CCDC190: variants seen among roughly 807,000 people sequenced by gnomAD.
CCDC190 encodes coiled-coil domain containing 190.
A neutral mutation model predicts 13.1 loss-of-function variants in CCDC190; 10 were observed. The ratio of observed to expected loss-of-function variants is 0.77; its 90% CI spans 0.47 to 1.30. CCDC190 has a LOEUF of 1.30. Among genes scored for constraint, CCDC190 ranks in the 50% most tolerant of loss-of-function variants. The probability of loss-of-function intolerance (pLI) is 0.00; values close to 1 mark genes in which losing one functional copy is unlikely to be tolerated. For missense variants in CCDC190, 375 were observed against 354.3 expected, an observed-to-expected ratio of 1.06 and a Z score of -0.47; for synonymous variants, 136 against 127.2, an observed-to-expected ratio of 1.07 and a Z score of -0.47.
rs571813712 is a variant in CCDC190 at position 162,860,620 on chromosome 1, C to T, written c.-13+388G>A. Among the ~76,000 whole-genome samples the T allele has an allele frequency of 5.3e-5, 8 of 151,474 alleles. No homozygotes were observed. The South Asian group carries it at 8.3e-4, about 16-fold the overall frequency. On this transcript the variant is annotated intron_variant, in intron 1 of 3. Transcript: ENST00000367912. Reference sequence around the variant, plus strand: ...TTGCCCAGGCTGGAGTGCAGTGGCGCGATCTCAGCTCACTGCAACCTCTAC... The same window carrying T: ...TTGCCCAGGCTGGAGTGCAGTGGCGTGATCTCAGCTCACTGCAACCTCTAC...
upstream of CCDC190, among the ~76,000 whole-genome samples, chr1:162,861,745 G>A (rs12141395): frequency 0.19 from 29,057 of 152,120 alleles, 3,279 homozygotes; most frequent in South Asian, 0.39. Context: ...GTAGAAGGTT[G>A]AGCAGAGCTA....
chr1:162,854,423 G>A lies in CCDC190; in HGVS notation c.*342C>T. ...AATAGCTATGCCGTTTTGCCAGCAG[G>A]TGGCACCATGAGAATCTCCTAGAGG... On this transcript the variant is annotated 3_prime_UTR_variant, in exon 4 of 4. Coordinates refer to ENST00000367912, the MANE Select transcript of CCDC190 (RefSeq NM_001394065.1). 9.5e-7 allele frequency: 1 copy of A among 1,053,794 alleles called. No homozygotes were observed. Among genetic ancestry groups the A allele is most frequent in the Non-Finnish European group, 1.1e-6 (1 of 872,446 alleles). The allele number at this position is 1,053,794 out of a possible 1,614,324, so 65.3% of individuals were successfully genotyped here. A position where few individuals can be genotyped will look rare whatever the true frequency, so the allele number is the denominator to read the frequency against.
At chr1:162,861,858 A>G (rs1650532538), upstream of CCDC190, among the ~76,000 whole-genome samples, 1 of 152,162 alleles carries the variant, frequency 6.6e-6, no homozygotes. Context: ...AGAGCTGCCA[A>G]CACTGGGGCC....
At chr1:162,857,832 CT>C (rs1349090792) in intron 2 of CCDC190, among the ~76,000 whole-genome samples, 1 of 152,038 alleles carries the variant, frequency 6.6e-6, no homozygotes, top group Admixed American at 6.5e-5. Context: ...AGAGACCATG[CT>C]TTTTCATATT....
At chr1:162,860,946 C>T in intron 1 of CCDC190, 62 bp downstream of exon 1, 1 of 723,320 alleles carries the variant, frequency 1.4e-6, no homozygotes, top group Non-Finnish European at 1.7e-6. Context: ...TTTTAAGGCA[C>T]TTGTTTTAGA....
At chr1:162,865,956 T>C (rs1428361276), upstream of CCDC190, among the ~76,000 whole-genome samples, 2 of 152,194 alleles carry the variant, frequency 1.3e-5, no homozygotes, top group Non-Finnish European at 2.9e-5. Context: ...TATTCACAGA[T>C]GACATAATTT....
intron 1 of CCDC190, 88 bp from the exon 2 acceptor site, chr1:162,859,746 C>T (rs541650171): frequency 1.8e-6 from 2 of 1,100,140 alleles, no homozygotes; most frequent in African/African-American, 1.6e-5. Flanking sequence ...AGTGGTAGAA[C>T]CTGTGTATTT....
At chr1:162,860,337 C>T (rs550416362) in intron 1 of CCDC190, among the ~76,000 whole-genome samples, 51 of 152,088 alleles carry the variant, frequency 3.4e-4, no homozygotes, top group Non-Finnish European at 5.7e-4. Flanking sequence ...TTAGACTGGG[C>T]GAAAGCTCCT....
chr1:162,859,215 A>G (rs1193825695), intron 2 of CCDC190, among the ~76,000 whole-genome samples: 1 of 152,242 alleles, frequency 6.6e-6, no homozygotes, highest in Non-Finnish European at 1.5e-5. Context: ...GCTAACTTGA[A>G]AGATGGCAGT....
chr1:162,858,892 T>TCACTGA (rs1448031003), intron 2 of CCDC190, among the ~76,000 whole-genome samples: 1 of 152,268 alleles, frequency 6.6e-6, no homozygotes, highest in Non-Finnish European at 1.5e-5. Context: ...GTTTTGGTAC[T>TCACTGA]ATTCCAAGTG....
chr1:162,852,348 C>T lies in CCDC190; in HGVS notation c.*2417G>A, dbSNP rs1471836305. Reference sequence around the variant, plus strand: ...AAAGTGGCCATGGACTGGTCGAGAGCAAGCCATCCTAGAGCACCGTGTGCC... The same window carrying T: ...AAAGTGGCCATGGACTGGTCGAGAGTAAGCCATCCTAGAGCACCGTGTGCC... On this transcript the variant is annotated 3_prime_UTR_variant, in exon 4 of 4. Transcript: ENST00000367912. 1 of 152,234 alleles carries T rather than the reference C, an allele frequency of 6.6e-6. No homozygotes were observed. The highest frequency in any genetic ancestry group is 2.4e-5 in the African/African-American group (1 of 41,436). The allele number at this position is 152,234 out of a possible 1,614,324, so 9.4% of individuals were successfully genotyped here.
At chr1:162,864,773 A>G (rs1650642260), upstream of CCDC190, among the ~76,000 whole-genome samples, 1 of 152,140 alleles carries the variant, frequency 6.6e-6, no homozygotes, top group Non-Finnish European at 1.5e-5. Flanking sequence ...CAAGTAAGAT[A>G]AAATTGAATT....
At chr1:162,865,677 C>T (rs1650679008), upstream of CCDC190, among the ~76,000 whole-genome samples, 1 of 152,008 alleles carries the variant, frequency 6.6e-6, no homozygotes, top group African/African-American at 2.4e-5. Context: ...AGGCAAGAAC[C>T]ATAAAATCAT....
At chr1:162,861,492 T>C (rs1233611499), upstream of CCDC190, among the ~76,000 whole-genome samples, 1 of 152,054 alleles carries the variant, frequency 6.6e-6, no homozygotes, top group East Asian at 1.9e-4. Context: ...CATTCCTACT[T>C]CTTGAAAACC....
intron 1 of CCDC190, among the ~76,000 whole-genome samples, chr1:162,867,686 T>G (rs1397914297): frequency 6.6e-6 from 1 of 152,172 alleles, no homozygotes; most frequent in Non-Finnish European, 1.5e-5. Context: ...ACAACCCAAA[T>G]GACCATCAAC....
intron 1 of CCDC190, among the ~76,000 whole-genome samples, chr1:162,860,731 A>C (rs1650481349): frequency 6.6e-6 from 1 of 151,852 alleles, no homozygotes; most frequent in African/African-American, 2.4e-5. Flanking sequence ...CTAACTTTTT[A>C]TATTTTTAGT....
chr1:162,866,605 G>A (rs954031968), intron 1 of CCDC190, among the ~76,000 whole-genome samples: 3 of 151,938 alleles, frequency 2.0e-5, no homozygotes, highest in Non-Finnish European at 2.9e-5. Flanking sequence ...TAAAATTCAA[G>A]TGGTAATACA....
Position 162,853,911 on chromosome 1 carries a change from G to A in CCDC190, c.*854C>T, listed in dbSNP as rs977901124. On this transcript the variant is annotated 3_prime_UTR_variant, in exon 4 of 4. Coordinates refer to ENST00000367912, the MANE Select transcript of CCDC190 (RefSeq NM_001394065.1). ...TAACAAAAAGCTATTATTTTCTAAT[G>A]ACTTATGATACTACTTATTTTTAGA... Among the ~76,000 whole-genome samples, 3 of 152,192 alleles carry A rather than the reference G, an allele frequency of 2.0e-5. No homozygotes were observed. The highest frequency in any genetic ancestry group is 4.4e-5 in the Non-Finnish European group (3 of 68,034).
At chr1:162,862,112 T>C (rs1288118964), upstream of CCDC190, among the ~76,000 whole-genome samples, 2 of 152,076 alleles carry the variant, frequency 1.3e-5, no homozygotes, top group South Asian at 2.1e-4. Context: ...GAGAATGAGA[T>C]GCCACACAAG....
Sources: gnomAD v4.1 joint callset for allele counts (sites outside exome capture counted in the v4.1 genomes callset) on GRCh38, gnomAD v4.1.1 for gene constraint, MANE v1.5 for transcripts, NCBI Gene and HGNC (gene_info 2026-07-23, HGNC 2026-07-21) for gene names.